The following PTPRN2 variants were observed in gnomAD, a reference collection of about 807,000 sequenced individuals.
The protein encoded by PTPRN2 is protein tyrosine phosphatase receptor type N2.
PTPRN2 carries 74 observed loss-of-function variants against 118.8 expected under a neutral mutation model. The observed-to-expected ratio is 0.62, with a 90% confidence interval of 0.52 to 0.76. The LOEUF (loss-of-function observed/expected upper bound fraction) is 0.76, where lower values mean the gene tolerates loss of function less well. Ranked by LOEUF, PTPRN2 falls within the 30% of genes least tolerant of loss-of-function variation. PTPRN2 has a pLI of 0.00. For synonymous variants in PTPRN2, 641 were observed against 608.0 expected (o/e 1.05, Z -0.80); for missense variants, 1,481 against 1,394.4 (o/e 1.06, Z -0.99).
chr7:158,266,623 G>A (rs1228404397), intron 3 of PTPRN2, among the ~76,000 whole-genome samples: 1 of 152,298 alleles, frequency 6.6e-6, no homozygotes, highest in African/African-American at 2.4e-5. Flanking sequence ...CCTGACAGAG[G>A]GACCCAGCAG....
chr7:158,003,012 A>T lies in PTPRN2; in HGVS notation c.1723+78286T>A, dbSNP rs1423029644. Among the ~76,000 whole-genome samples the T allele has an allele frequency of 1.3e-5, 2 of 152,120 alleles. No individual in the cohort carries two copies. Among genetic ancestry groups the T allele is most frequent in the African/African-American group, 4.8e-5 (2 of 41,436 alleles). On this transcript the variant is annotated intron_variant, in intron 11 of 22. Coordinates refer to ENST00000389418, the MANE Select transcript of PTPRN2 (RefSeq NM_002847.5). This position sits in a 1 kb window ranked among gnomAD's most constrained non-coding sequence, Gnocchi z 5.0. Reference sequence around the variant, plus strand: ...AGGGGAGGAGGAAAGAGCACAGGAGAGGGCAGGAGATGTTTGGCTTCTGTC... The same window carrying T: ...AGGGGAGGAGGAAAGAGCACAGGAGTGGGCAGGAGATGTTTGGCTTCTGTC...
At chr7:158,101,924 G>C (rs1815258586) in intron 10 of PTPRN2, among the ~76,000 whole-genome samples, 1 of 152,190 alleles carries the variant, frequency 6.6e-6, no homozygotes, top group South Asian at 2.1e-4. Context: ...AGCAGCGGCA[G>C]GCCCATCTCT....
intron 17 of PTPRN2, among the ~76,000 whole-genome samples, chr7:157,592,508 GGGC>G (rs1196053176): frequency 2.0e-5 from 3 of 152,002 alleles, no homozygotes; most frequent in African/African-American, 7.3e-5. Context: ...GGTTGGATGT[GGGC>G]ATCATCGTGG....
At chr7:157,636,752 A>C (rs1804343842) in intron 14 of PTPRN2, among the ~76,000 whole-genome samples, 1 of 152,248 alleles carries the variant, frequency 6.6e-6, no homozygotes, top group African/African-American at 2.4e-5. Context: ...TGGAAGATGA[A>C]GAGATAATGC....
intron 6 of PTPRN2, among the ~76,000 whole-genome samples, chr7:158,151,816 A>C (rs889003840): frequency 1.3e-5 from 2 of 152,150 alleles, no homozygotes; most frequent in African/African-American, 2.4e-5. Flanking sequence ...AGATAAATCC[A>C]TGAGCAAAGT....
At chr7:158,178,589 CTTTTTTTTTTTT>C (rs56710690) in intron 5 of PTPRN2, among the ~76,000 whole-genome samples, 1 of 67,390 alleles carries the variant, frequency 1.5e-5, no homozygotes, top group African/African-American at 5.2e-5. Flanking sequence ...CATTTTCTTT[CTTTTTTTTTTTT>C]TTTTTTTTTT....
chr7:158,053,719 C>CCTAGAGATGCCGAGACT (rs1218707941), intron 11 of PTPRN2, among the ~76,000 whole-genome samples: 1 of 151,224 alleles, frequency 6.6e-6, no homozygotes, highest in African/African-American at 2.4e-5. Flanking sequence ...ATGCAGAGAC[C>CCTAGAGATGCCGAGACT]CCAGAGATGC....
chr7:157,900,581 C>T (rs752199563), intron 11 of PTPRN2, among the ~76,000 whole-genome samples: 7 of 152,230 alleles, frequency 4.6e-5, no homozygotes, highest in African/African-American at 9.6e-5. Context: ...AGGTGGCACT[C>T]CTTGCCCAGA....
chr7:157,559,810 C>T (rs1167276901), intron 21 of PTPRN2, among the ~76,000 whole-genome samples: 1 of 152,168 alleles, frequency 6.6e-6, no homozygotes, highest in African/African-American at 2.4e-5. Context: ...GACACAGCTG[C>T]CCCGACAGGG....
In PTPRN2 at chr7:158,331,217, C is replaced by G. The variant is rs555109389; in HGVS notation, c.164-14285G>C. On this transcript the variant is annotated intron_variant, in intron 2 of 22. Coordinates refer to ENST00000389418, the MANE Select transcript of PTPRN2 (RefSeq NM_002847.5). ...ACGTCACTCACACCCACACTCTCAC[C>G]ATAAGAGCTGACGCCCGCAGACGTC... Among the ~76,000 whole-genome samples the G allele has an allele frequency of 1.1e-3, 164 of 150,378 alleles. 2 individuals are homozygous for G. Among genetic ancestry groups the G allele is most frequent in the African/African-American group, 3.9e-3 (156 of 40,478 alleles).
rs374727856 is a variant in PTPRN2 at position 157,682,905 on chromosome 7, C to T, written c.1821G>A (p.Ala607=). The T allele has an allele frequency of 9.9e-6, 16 of 1,613,752 alleles. No individual in the cohort carries two copies. Among genetic ancestry groups the T allele is most frequent in the South Asian group, 3.3e-5 (3 of 91,076 alleles). The change falls in exon 13 of 23, where the codon GCG becomes GCA. Residue 607 remains alanine, a synonymous_variant. Transcript: ENST00000389418. ...KSKLKFLPPQ[A]EQEDSTKFIA... ...TGAACTTGGTGGAGTCTTCTTGCTC[C>T]GCCTGAGGAGGCAGGAACTTGAGTT...
At chr7:158,070,307 CCTGGTGGTGG>C (rs1811116363) in intron 11 of PTPRN2, among the ~76,000 whole-genome samples, 1 of 140,620 alleles carries the variant, frequency 7.1e-6, no homozygotes, top group Non-Finnish European at 1.5e-5. Flanking sequence ...TGGAGGTGCT[CCTGGTGGTGG>C]AGGTGCTCGT....
chr7:158,320,780 A>C (rs796090241), intron 2 of PTPRN2, among the ~76,000 whole-genome samples: 50 of 152,340 alleles, frequency 3.3e-4, no homozygotes, highest in African/African-American at 1.2e-3. Flanking sequence ...GGCTTGTTGA[A>C]GATGATTGTG....
intron 12 of PTPRN2, among the ~76,000 whole-genome samples, chr7:157,718,210 C>T (rs933115765): frequency 8.5e-5 from 13 of 152,196 alleles, no homozygotes; most frequent in Non-Finnish European, 1.0e-4. Flanking sequence ...TTTGAATGAA[C>T]GTGGCAAATG....
rs540704018 is a variant in PTPRN2, at chr7:158,332,406, C to T, written c.164-15474G>A. On this transcript the variant is annotated intron_variant, in intron 2 of 22. Transcript: ENST00000389418. ...CCTGCAGATGTCACTCACACCCATA[C>T]TCTCAACATAAGAGCTGACACCTGC... 7.1e-4 allele frequency among the ~76,000 whole-genome samples: 89 copies of T among 125,802 alleles called. 2 individuals are homozygous for T. Among genetic ancestry groups the T allele is most frequent in the African/African-American group, 2.4e-3 (80 of 33,618 alleles). 82.5% of individuals were successfully genotyped at this position (125,802 alleles called of 152,430 possible).
chr7:158,461,585 G>T (rs1652268056), intron 2 of PTPRN2, among the ~76,000 whole-genome samples: 1 of 152,090 alleles, frequency 6.6e-6, no homozygotes, highest in Admixed American at 6.5e-5. Flanking sequence ...TTCTTCCAGT[G>T]TTTTCCAAAG....
chr7:158,456,351 G>A (rs979096096), intron 2 of PTPRN2, among the ~76,000 whole-genome samples: 2 of 145,730 alleles, frequency 1.4e-5, no homozygotes, highest in Non-Finnish European at 3.0e-5. Context: ...GAAGATAACA[G>A]CATGGACGCC....
intron 12 of PTPRN2, among the ~76,000 whole-genome samples, chr7:157,700,273 A>G (rs1305208495): frequency 6.6e-6 from 1 of 152,234 alleles, no homozygotes; most frequent in Non-Finnish European, 1.5e-5. Flanking sequence ...TTAAGAGTGC[A>G]TTTGAAAAGG....
rs757457722 is a variant in PTPRN2, at chr7:157,621,364, G to C, written c.2342C>G (p.Thr781Ser). The C allele has an allele frequency of 5.6e-6, 9 of 1,611,970 alleles. No homozygotes were observed. The highest frequency in any genetic ancestry group is 5.9e-6 in the Non-Finnish European group (7 of 1,178,498). The stretch of plus-strand genomic sequence containing the variant: ...CTGCCCCCGGGGCTGGTACGTACAG[G>C]TCAGCACGGCCAGGGAGCGGTTCTT... Reference protein sequence around the residue: ...VPKNRSLAVLTYDHSRVLLKA... With the variant: ...VPKNRSLAVLSYDHSRVLLKA... The change falls in exon 15 of 23, where the codon ACC becomes AGC. Residue 781 changes from threonine (T) to serine (S), a missense_variant and splice_region_variant. By Grantham distance (58) the Thr-to-Ser change is moderately conservative (BLOSUM62 1). Coordinates refer to ENST00000389418, the MANE Select transcript of PTPRN2 (RefSeq NM_002847.5).
Sources: allele counts gnomAD v4.1 joint callset (sites outside exome capture counted in the v4.1 genomes callset), GRCh38; gene constraint gnomAD v4.1.1; non-coding constraint Gnocchi (gnomAD v3.1); transcripts MANE v1.5; gene names NCBI Gene and HGNC (gene_info 2026-07-23, HGNC 2026-07-21).